LOXHD1: variants seen among roughly 807,000 people sequenced by gnomAD.
The protein encoded by LOXHD1 is lipoxygenase homology PLAT domains 1, also known as lipoxygenase homology domain-containing protein 1.
LOXHD1 carries 205 observed loss-of-function variants against 248.2 expected under a neutral mutation model. The ratio of observed to expected loss-of-function variants is 0.83; its 90% CI spans 0.74 to 0.93. The LOEUF (loss-of-function observed/expected upper bound fraction) is 0.93, where lower values mean the gene tolerates loss of function less well. Ranked by LOEUF, LOXHD1 falls within the 40% of genes least tolerant of loss-of-function variation. The probability of loss-of-function intolerance (pLI) is 0.00; values close to 1 mark genes in which losing one functional copy is unlikely to be tolerated. For synonymous variants in LOXHD1, 1,113 were observed against 1,162.8 expected, an observed-to-expected ratio of 0.96 and a Z score of 0.87; for missense variants, 2,930 against 2,971.6, an observed-to-expected ratio of 0.99 and a Z score of 0.33.
At chr18:46,581,225 T>C (rs1464280990) in intron 12 of LOXHD1, among the ~76,000 whole-genome samples, 2 of 152,022 alleles carry the variant, frequency 1.3e-5, no homozygotes, top group Non-Finnish European at 1.5e-5. Flanking sequence ...GCAACAGAAG[T>C]GGAGAAAAGT....
chr18:46,604,749 T>C (rs1328879593), intron 6 of LOXHD1, among the ~76,000 whole-genome samples: 2 of 151,864 alleles, frequency 1.3e-5, no homozygotes, highest in African/African-American at 4.8e-5. Flanking sequence ...CTATGATGCC[T>C]CCCTCAGGGA....
intron 21 of LOXHD1, among the ~76,000 whole-genome samples, chr18:46,547,674 A>G (rs528259151): frequency 1.3e-5 from 2 of 152,188 alleles, no homozygotes; most frequent in African/African-American, 2.4e-5. Flanking sequence ...CAGTGGGGTA[A>G]TTAAGGACTC....
chr18:46,594,559 AC>A lies in LOXHD1; in HGVS notation c.1135-94del, dbSNP rs1599036496. The A allele has an allele frequency of 2.1e-6, 3 of 1,440,710 alleles. No homozygotes were observed. The East Asian group carries it at 7.5e-5, about 36-fold the overall frequency. 89.2% of individuals were successfully genotyped at this position (1,440,710 alleles called of 1,614,324 possible). A position where few individuals can be genotyped will look rare whatever the true frequency, so the allele number is the denominator to read the frequency against. On this transcript the variant is annotated intron_variant, in intron 8 of 40. Transcript: ENST00000642948. ...CAGGCTCCCAGCCCCACATTTAGAGACATCTGTATTAGGACTCTCAAGGAAT... is the reference window on the plus strand; with the variant it reads ...CAGGCTCCCAGCCCCACATTTAGAGAATCTGTATTAGGACTCTCAAGGAAT...
In LOXHD1 at chr18:46,560,610, C is replaced by G. The variant is rs911826888; in HGVS notation, c.2599-65G>C. ...GTCCTCCCCAACGCCCCCAACACCC[C>G]CGCCCAACAAAGAGCCAGGCACAAG... On this transcript the variant is annotated intron_variant, in intron 18 of 40. Transcript: ENST00000642948. 22 of 1,409,338 alleles carry G rather than the reference C, an allele frequency of 1.6e-5. No individual in the cohort carries two copies. In the East Asian group the frequency reaches 4.5e-4, roughly 29 times the overall value. The allele number at this position is 1,409,338 out of a possible 1,614,324, so 87.3% of individuals were successfully genotyped here. A position where few individuals can be genotyped will look rare whatever the true frequency, so the allele number is the denominator to read the frequency against.
intron 22 of LOXHD1, 68 bp downstream of exon 22, chr18:46,546,827 G>T (rs559492906): frequency 1.3e-6 from 2 of 1,486,476 alleles, no homozygotes; most frequent in African/African-American, 1.4e-5. Context: ...GGAAGATGGA[G>T]ACTTAGGGTT....
intron 34 of LOXHD1, among the ~76,000 whole-genome samples, chr18:46,514,062 T>C (rs1325158961): frequency 6.6e-6 from 1 of 152,220 alleles, no homozygotes; most frequent in African/African-American, 2.4e-5. Context: ...GTGCATCCCC[T>C]ACGAGACATA....
chr18:46,618,355 A>G, intron 4 of LOXHD1, 65 bp from the exon 5 acceptor site: 1 of 1,065,656 alleles, frequency 9.4e-7, no homozygotes, highest in Non-Finnish European at 1.4e-6. Context: ...AGAGGCCCCA[A>G]AGTAGCTACC....
chr18:46,504,713 G>A (rs546155928), intron 37 of LOXHD1, among the ~76,000 whole-genome samples: 160 of 152,306 alleles, frequency 1.1e-3, no homozygotes, highest in African/African-American at 3.7e-3. Context: ...GTCAGTGACC[G>A]TGACAGATAG....
intron 37 of LOXHD1, among the ~76,000 whole-genome samples, chr18:46,495,817 T>C (rs879802057): frequency 1.2e-4 from 18 of 152,158 alleles, no homozygotes; most frequent in Non-Finnish European, 2.5e-4. Flanking sequence ...TAAGAAACTG[T>C]TCATTTTAAA....
Position 46,559,575 on chromosome 18 carries a change from G to A in LOXHD1, c.3089C>T (p.Thr1030Met), listed in dbSNP as rs1453833384. The A allele has an allele frequency of 5.8e-6, 9 of 1,551,698 alleles. No homozygotes were observed. The Admixed American group carries it at 7.8e-5, about 14-fold the overall frequency. Residue 1030 changes from threonine (T) to methionine (M), a missense_variant, in exon 20 of 41, where the codon ACG becomes ATG. Physicochemically the swap from Thr to Met is moderately conservative, Grantham distance 81. Coordinates refer to ENST00000642948, the MANE Select transcript of LOXHD1 (RefSeq NM_001384474.1). ...ERNTYEVQVV[T>M]GNVPKAGTDA... ...AGTGCCGGCCTTGGGCACATTCCCC[G>A]TGACCACCTGAACCTCATAGGTGTT...
intron 29 of LOXHD1, among the ~76,000 whole-genome samples, 181 bp from the exon 30 acceptor site, chr18:46,525,098 C>T (rs1316198989): frequency 6.6e-6 from 1 of 152,220 alleles, no homozygotes; most frequent in Non-Finnish European, 1.5e-5. Flanking sequence ...GGCCTCATAT[C>T]CACAGTGGTC....
In LOXHD1 at chr18:46,538,348, T is replaced by C. The variant is rs2036407734; in HGVS notation, c.3914-11A>G. On this transcript the variant is annotated splice_polypyrimidine_tract_variant and intron_variant, in intron 25 of 40. Coordinates refer to ENST00000642948, the MANE Select transcript of LOXHD1 (RefSeq NM_001384474.1). ...TCTCGTAAGGAACAACTGAGGGTGGTGGTCAGAGGGCAAAGCCAGAGTGGA... is the reference window on the plus strand; with the variant it reads ...TCTCGTAAGGAACAACTGAGGGTGGCGGTCAGAGGGCAAAGCCAGAGTGGA... 1.9e-6 allele frequency: 3 copies of C among 1,540,990 alleles called. No homozygotes were observed. Among genetic ancestry groups the C allele is most frequent in the South Asian group, 2.4e-5 (2 of 83,868 alleles).
At chr18:46,564,258 G>T (rs1276169341) in intron 17 of LOXHD1, among the ~76,000 whole-genome samples, 1 of 152,170 alleles carries the variant, frequency 6.6e-6, no homozygotes, top group Non-Finnish European at 1.5e-5. Context: ...CGGTGGTTCA[G>T]GCCTGTAATT....
chr18:46,641,888 G>T, intron 3 of LOXHD1, 68 bp downstream of exon 3: 1 of 1,431,910 alleles, frequency 7.0e-7, no homozygotes, highest in Non-Finnish European at 9.6e-7. Flanking sequence ...CCCAGAAATT[G>T]TCAATATTGA....
rs1265155697 is a variant in LOXHD1, at chr18:46,522,116, G to C, written c.5070C>G (p.Ile1690Met). 13 of 1,543,290 alleles carry C rather than the reference G, an allele frequency of 8.4e-6. No individual in the cohort carries two copies. The Middle Eastern group carries it at 1.0e-3, about 119-fold the overall frequency. The change falls in exon 32 of 41, where the codon ATC becomes ATG. Residue 1690 changes from isoleucine to methionine, a missense_variant. By Grantham distance (10) the Ile-to-Met change is conservative (BLOSUM62 1). Transcript: ENST00000642948. The stretch of plus-strand genomic sequence containing the variant: ...AAGCCAGCACCTCTATTTTCTTGAT[G>C]ATGCCCACATCCAAGCCTGCGACGT... Reference protein sequence around the residue: ...EFYVAGLDVGIIKKIELGHDG... With the variant: ...EFYVAGLDVGMIKKIELGHDG...
chr18:46,570,968 GAGA>G (rs2037739971), intron 15 of LOXHD1, among the ~76,000 whole-genome samples: 2 of 152,152 alleles, frequency 1.3e-5, no homozygotes, highest in Admixed American at 1.3e-4. Context: ...GACATAGACA[GAGA>G]TACCCTGGGT....
intron 12 of LOXHD1, among the ~76,000 whole-genome samples, chr18:46,586,170 T>C (rs2038055854): frequency 6.6e-6 from 1 of 152,218 alleles, no homozygotes; most frequent in South Asian, 2.1e-4. Context: ...ATTGTATGAC[T>C]CTATATATGA....
At chr18:46,577,940 G>T in intron 13 of LOXHD1, 73 bp from the exon 14 acceptor site, 1 of 1,495,244 alleles carries the variant, frequency 6.7e-7, no homozygotes, top group Non-Finnish European at 9.1e-7. Flanking sequence ...GAAGACATAA[G>T]CTCAGATATC....
intron 14 of LOXHD1, among the ~76,000 whole-genome samples, chr18:46,572,931 G>A (rs1323862359): frequency 8.3e-5 from 12 of 143,902 alleles, no homozygotes; most frequent in African/African-American, 3.0e-4. Flanking sequence ...GCTGAGGCAG[G>A]AGAATTGTGT....
Sources: allele counts gnomAD v4.1 joint callset (sites outside exome capture counted in the v4.1 genomes callset), GRCh38; gene constraint gnomAD v4.1.1; transcripts MANE v1.5; gene names NCBI Gene and HGNC (gene_info 2026-07-23, HGNC 2026-07-21).